RIMBP3B: variants seen among roughly 807,000 people sequenced by gnomAD.
RIMBP3B encodes the protein RIMS binding protein 3B, also known as RIMS-binding protein 3B.
chr22:21,386,917 AC>A, the RIMBP3B span: 1 of 265,134 alleles, frequency 3.8e-6, no homozygotes, highest in Non-Finnish European at 7.8e-6. Flanking sequence ...AGCCACCGCC[AC>A]CCCCATGTGG....
At chr22:21,388,175 CA>C in the RIMBP3B span, 3 of 509,360 alleles carry the variant, frequency 5.9e-6, no homozygotes, top group East Asian at 3.0e-5. Flanking sequence ...TCAAGATGCC[CA>C]GGGGTGGCCC....
the RIMBP3B span, chr22:21,388,725 AG>A: frequency 1.3e-6 from 1 of 757,202 alleles, no homozygotes; most frequent in South Asian, 1.9e-5. Context: ...GGGCGGCCAC[AG>A]GGGCCTGGTT....
the RIMBP3B span, chr22:21,388,261 TG>T: frequency 1.5e-6 from 1 of 656,912 alleles, no homozygotes; most frequent in Non-Finnish European, 2.7e-6. Flanking sequence ...CCCCTGGTGA[TG>T]TCTGCCAACC....
chr22:21,388,537 A>AG, the RIMBP3B span: 1 of 1,605,020 alleles, frequency 6.2e-7, no homozygotes. Flanking sequence ...CTGGTGCTCC[A>AG]GGGGAACTCC....
At chr22:21,387,002 CG>C in the RIMBP3B span, 2 of 38,166 alleles carry the variant, frequency 5.2e-5, no homozygotes, top group South Asian at 1.2e-4. Flanking sequence ...GCCTGTGCCC[CG>C]GCACGCACTA....
chr22:21,388,263 TCTG>T, exon 1 of RIMBP3B: 1 of 662,710 alleles, frequency 1.5e-6, no homozygotes, highest in Non-Finnish European at 2.6e-6. Flanking sequence ...CCTGGTGATG[TCTG>T]CCAACCTCAA....
chr22:21,387,863 GC>G, the RIMBP3B span: 1 of 166,690 alleles, frequency 6.0e-6, no homozygotes, highest in Non-Finnish European at 1.0e-5. Context: ...CCGAGTGTGG[GC>G]CCAGGAAAGA....
chr22:21,388,319 AAG>A, the RIMBP3B span: 1 of 949,056 alleles, frequency 1.1e-6, no homozygotes, highest in African/African-American at 2.1e-5. Flanking sequence ...GGCAGTTGCT[AAG>A]AGTGTGGGGC....
At chr22:21,387,365 CTG>C in the RIMBP3B span, 2 of 173,004 alleles carry the variant, frequency 1.2e-5, no homozygotes, top group East Asian at 8.4e-5. Context: ...CCATGTCACT[CTG>C]TGGTGAGTCC....
exon 1 of RIMBP3B, chr22:21,386,504 C>G (rs200586909): frequency 1.5e-3 from 6 of 3,984 alleles, no homozygotes; most frequent in South Asian, 2.1e-3. Flanking sequence ...GGGAGCTTGA[C>G]GATGGCCGGC....
chr22:21,386,330 G>A (rs201528102), exon 1 of RIMBP3B: 16 of 4,080 alleles, frequency 3.9e-3, no homozygotes, highest in Non-Finnish European at 0.01. Context: ...TGGAAATGGG[G>A]GGCTCGGCGG....
the RIMBP3B span, chr22:21,388,222 GGGTC>G: frequency 1.7e-6 from 1 of 582,658 alleles, no homozygotes; most frequent in African/African-American, 2.9e-5. Flanking sequence ...ACTCCAGCCA[GGGTC>G]TTTGTGGCCC....
chr22:21,388,848 AC>A (rs1922285179), exon 1 of RIMBP3B: 1 of 458,828 alleles, frequency 2.2e-6, no homozygotes, highest in African/African-American at 6.1e-5. Flanking sequence ...AAGCGTTCAG[AC>A]CCTCACACCA....
chr22:21,388,125 CCCAGCTCGGCACTGTGT>C, the RIMBP3B span: 1 of 457,120 alleles, frequency 2.2e-6, no homozygotes, highest in Non-Finnish European at 3.7e-6. Context: ...GCTCCATGAG[CCCAGCTCGGCACTGTGT>C]CCAGCTCCAT....
chr22:21,387,051 C>CTGCAGG (rs768451084), exon 1 of RIMBP3B: 1,285 of 102,440 alleles, frequency 0.013, 277 homozygotes, highest in African/African-American at 0.059. Flanking sequence ...ATGGGACTTG[C>CTGCAGG]TGCAGGTGTA....
the RIMBP3B span, chr22:21,388,610 TG>T: frequency 1.4e-6 from 2 of 1,401,896 alleles, no homozygotes; most frequent in Non-Finnish European, 1.9e-6. Context: ...ATCCTGGGGA[TG>T]GGCAAATGGG....
chr22:21,387,022 G>A, exon 1 of RIMBP3B: 1 of 19,388 alleles, frequency 5.2e-5, no homozygotes, highest in South Asian at 1.3e-4. Flanking sequence ...TACCGGGTGC[G>A]GGTGGAGGTG....
chr22:21,387,097 C>T lies in RIMBP3B; in HGVS notation c.3239C>T (p.Thr1080Ile). 2 of 579,798 alleles carry T rather than the reference C, an allele frequency of 3.4e-6. 1 individual carries two copies. 35.9% of individuals were successfully genotyped at this position (579,798 alleles called of 1,614,324 possible). ...ATGTCCTCCACCGTCACCTTCGACACACTCTTGGCAGGACCTCCCTACCCA... is the reference window on the plus strand; with the variant it reads ...ATGTCCTCCACCGTCACCTTCGACATACTCTTGGCAGGACCTCCCTACCCA... Residue 1080 changes from threonine (T) to isoleucine (I), a missense_variant, in exon 1 of 1, where the codon ACA (threonine) becomes ATA (isoleucine). By Grantham distance (89) the Thr-to-Ile change is moderately conservative. Transcript: ENST00000620804.
the RIMBP3B span, chr22:21,388,201 CG>C: frequency 1.8e-6 from 1 of 546,956 alleles, no homozygotes; most frequent in East Asian, 3.0e-5. Flanking sequence ...CAGCTGGGGA[CG>C]GGGGCCAACA....
Sources: gnomAD v4.1 joint callset for allele counts on GRCh38, gnomAD v4.1.1 for gene constraint, MANE v1.5 for transcripts, NCBI Gene and HGNC (gene_info 2026-07-23, HGNC 2026-07-21) for gene names.